The following ST6GALNAC3 variants were observed in gnomAD, a reference collection of about 807,000 sequenced individuals.
ST6GALNAC3 encodes ST6 N-acetylgalactosaminide alpha-2,6-sialyltransferase 3.
ST6GALNAC3 carries 25 observed loss-of-function variants against 32.7 expected under a neutral mutation model. The observed-to-expected ratio is 0.76, with a 90% CI of 0.56 to 1.07. ST6GALNAC3 has a LOEUF of 1.07. Among genes scored for constraint, ST6GALNAC3 ranks in the 50% least tolerant of loss-of-function variants. ST6GALNAC3 has a pLI of 0.00. For synonymous variants in ST6GALNAC3, 129 were observed against 133.1 expected (o/e 0.97, Z 0.21); for missense variants, 355 against 382.4 (o/e 0.93, Z 0.60).
intron 1 of ST6GALNAC3, among the ~76,000 whole-genome samples, chr1:76,120,929 G>A (rs188372403): frequency 4.1e-4 from 62 of 152,254 alleles, no homozygotes; most frequent in African/African-American, 1.4e-3. Context: ...GGAAACTGTT[G>A]TCTTGCCTTT....
chr1:76,365,935 A>G (rs1650333006), intron 2 of ST6GALNAC3, among the ~76,000 whole-genome samples: 1 of 152,164 alleles, frequency 6.6e-6, no homozygotes, highest in African/African-American at 2.4e-5. Context: ...CAGTTCCTAC[A>G]TTATTCAGAA....
At chr1:76,152,135 G>T (rs2706182) in intron 1 of ST6GALNAC3, among the ~76,000 whole-genome samples, 20,563 of 152,170 alleles carry the variant, frequency 0.14, 1,549 homozygotes, top group African/African-American at 0.19. Flanking sequence ...AAAAGCAAAA[G>T]AATGGCTGAG....
chr1:76,410,765 C>A (rs919292947), intron 2 of ST6GALNAC3, among the ~76,000 whole-genome samples: 1 of 152,112 alleles, frequency 6.6e-6, no homozygotes, highest in Admixed American at 6.6e-5. Flanking sequence ...TCTTACCTCT[C>A]AGTGTAGTTA....
intron 3 of ST6GALNAC3, among the ~76,000 whole-genome samples, chr1:76,495,763 T>G (rs1249452740): frequency 3.3e-5 from 5 of 152,214 alleles, no homozygotes; most frequent in Admixed American, 1.3e-4. Context: ...TGCTTGATCT[T>G]GGACAAATAA....
At chr1:76,207,521 C>T (rs1654888187) in intron 1 of ST6GALNAC3, among the ~76,000 whole-genome samples, 1 of 152,222 alleles carries the variant, frequency 6.6e-6, no homozygotes, top group Non-Finnish European at 1.5e-5. Flanking sequence ...AAGCATGGCA[C>T]TGGCATCTGG....
chr1:76,429,346 C>G (rs1017073571), intron 3 of ST6GALNAC3, among the ~76,000 whole-genome samples: 2 of 152,050 alleles, frequency 1.3e-5, no homozygotes, highest in African/African-American at 4.8e-5. Flanking sequence ...AGTGTCTATA[C>G]TTTTGTTAGA....
Position 76,102,235 on chromosome 1 carries a change from TTGTGTGTGTG to T in ST6GALNAC3, c.18+27374_18+27383del, listed in dbSNP as rs60454163. The stretch of plus-strand genomic sequence containing the variant: ...TTCAGTTAGTATTTGCCTGGTGTGT[TTGTGTGTGTG>T]TGTGTGTGTGTGTGTGTGTGTGCCT... On this transcript the variant is annotated intron_variant, in intron 1 of 4. Coordinates refer to ENST00000328299, the MANE Select transcript of ST6GALNAC3 (RefSeq NM_152996.4). 1.7e-4 allele frequency among the ~76,000 whole-genome samples: 25 copies of T among 147,524 alleles called. No individual in the cohort carries two copies. In the Middle Eastern group the frequency reaches 0.01, roughly 61 times the overall value.
At chr1:76,134,612 C>T (rs1649821251) in intron 1 of ST6GALNAC3, among the ~76,000 whole-genome samples, 1 of 152,164 alleles carries the variant, frequency 6.6e-6, no homozygotes, top group Non-Finnish European at 1.5e-5. Context: ...CTGTGAGTCC[C>T]TTAGGTGTGA....
At chr1:76,358,336 A>G (rs1325349077) in intron 2 of ST6GALNAC3, among the ~76,000 whole-genome samples, 10 of 152,296 alleles carry the variant, frequency 6.6e-5, no homozygotes, top group Non-Finnish European at 1.5e-4. Context: ...AGAGGACCCA[A>G]CATGTACATA....
chr1:76,560,585 C>T (rs1665190342), intron 3 of ST6GALNAC3, among the ~76,000 whole-genome samples: 1 of 152,138 alleles, frequency 6.6e-6, no homozygotes. Context: ...TGAAGTAGTG[C>T]TCAACATCGC....
chr1:76,600,795 G>A (rs1647213009), intron 3 of ST6GALNAC3, among the ~76,000 whole-genome samples: 3 of 152,206 alleles, frequency 2.0e-5, no homozygotes. Flanking sequence ...TACTTCAGAA[G>A]CCATTTATCT....
At chr1:76,140,175 G>T (rs1028596304) in intron 1 of ST6GALNAC3, among the ~76,000 whole-genome samples, 1 of 152,002 alleles carries the variant, frequency 6.6e-6, no homozygotes, top group Non-Finnish European at 1.5e-5. Context: ...GTTTTTTTTG[G>T]TGAAAGAGAT....
chr1:76,236,394 G>A (rs1032071361), intron 1 of ST6GALNAC3, among the ~76,000 whole-genome samples: 1 of 152,210 alleles, frequency 6.6e-6, no homozygotes, highest in Non-Finnish European at 1.5e-5. Flanking sequence ...ATGGTTTGGT[G>A]TGGATTAAAT....
At chr1:76,280,848 A>G (rs1659455843) in intron 1 of ST6GALNAC3, among the ~76,000 whole-genome samples, 1 of 152,228 alleles carries the variant, frequency 6.6e-6, no homozygotes, top group Non-Finnish European at 1.5e-5. Flanking sequence ...TTGATCATCA[A>G]GGCAAATGAG....
intron 1 of ST6GALNAC3, among the ~76,000 whole-genome samples, chr1:76,165,892 T>A (rs1652093292): frequency 6.6e-6 from 1 of 152,234 alleles, no homozygotes; most frequent in Non-Finnish European, 1.5e-5. Context: ...TTTGTATTTC[T>A]TATAAATGCT....
intron 3 of ST6GALNAC3, among the ~76,000 whole-genome samples, chr1:76,457,956 A>G (rs370909755): frequency 6.7e-6 from 1 of 150,326 alleles, no homozygotes; most frequent in African/African-American, 2.4e-5. Flanking sequence ...CAACCTACAA[A>G]ATGGGAGAAA....
At chr1:76,327,275 C>CGTGTGTGTGTGT (rs3079480) in intron 2 of ST6GALNAC3, among the ~76,000 whole-genome samples, 68 of 138,748 alleles carry the variant, frequency 4.9e-4, no homozygotes, top group African/African-American at 1.4e-3. Context: ...TGTATATATG[C>CGTGTGTGTGTGT]GTGTGTGTGT....
rs779265845 is a variant in ST6GALNAC3, at chr1:76,074,884, G to T, written c.18G>T (p.Lys6Asn). ...GGAGCGCCATGGCCTGCATCCTGAAGGTAACGACTTGGATCTGTGGCTCGG... is the reference window on the plus strand; with the variant it reads ...GGAGCGCCATGGCCTGCATCCTGAATGTAACGACTTGGATCTGTGGCTCGG... MACILKRKSVIAVSFI... is the reference protein window; with the variant it reads MACILNRKSVIAVSFI... The change falls in exon 1 of 5, where the codon AAG becomes AAT. Residue 6 changes from lysine to asparagine, a missense_variant and splice_region_variant. Coordinates refer to ENST00000328299, the MANE Select transcript of ST6GALNAC3 (RefSeq NM_152996.4). 6.3e-7 allele frequency: 1 copy of T among 1,597,164 alleles called. No homozygotes were observed. The highest frequency in any genetic ancestry group is 1.1e-5 in the South Asian group (1 of 87,778).
intron 2 of ST6GALNAC3, among the ~76,000 whole-genome samples, chr1:76,317,318 G>T (rs546803910): frequency 6.6e-6 from 1 of 152,084 alleles, no homozygotes; most frequent in Non-Finnish European, 1.5e-5. Context: ...TTGCAGAAAT[G>T]GTTACATTAA....
Sources: allele counts gnomAD v4.1 joint callset (sites outside exome capture counted in the v4.1 genomes callset), GRCh38; gene constraint gnomAD v4.1.1; transcripts MANE v1.5; gene names NCBI Gene and HGNC (gene_info 2026-07-23, HGNC 2026-07-21).